Variants in PRKAR1B observed in about 807,000 individuals in gnomAD.
The protein encoded by PRKAR1B is cAMP-dependent protein kinase type I-beta regulatory subunit.
Under a neutral mutation model 46.5 loss-of-function variants are expected in PRKAR1B, and 22 were observed. The ratio of observed to expected loss-of-function variants is 0.47; its 90% CI spans 0.34 to 0.68. PRKAR1B has a LOEUF of 0.68. Among genes scored for constraint, PRKAR1B ranks in the 30% least tolerant of loss-of-function variants. The probability of loss-of-function intolerance (pLI) is 0.01; values close to 1 mark genes in which losing one functional copy is unlikely to be tolerated. For synonymous variants in PRKAR1B, 259 were observed against 217.7 expected (o/e 1.19, Z -1.67); for missense variants, 445 against 535.6 (o/e 0.83, Z 1.67).
chr7:597,390 G>A (rs1047898076), intron 6 of PRKAR1B, among the ~76,000 whole-genome samples: 1 of 152,228 alleles, frequency 6.6e-6, no homozygotes, highest in African/African-American at 2.4e-5. Flanking sequence ...AGGCACAGGG[G>A]CGACTGCTGT....
chr7:595,938 G>A (rs573680966), intron 7 of PRKAR1B, among the ~76,000 whole-genome samples: 2 of 152,192 alleles, frequency 1.3e-5, no homozygotes, highest in African/African-American at 4.8e-5. Context: ...AAAGGAGGAC[G>A]GTGAAGGGGC....
intron 2 of PRKAR1B, among the ~76,000 whole-genome samples, chr7:699,464 A>C (rs1023822453): frequency 7.2e-5 from 11 of 152,126 alleles, no homozygotes; most frequent in African/African-American, 1.2e-4. Flanking sequence ...AGGAGTGGGC[A>C]GTTACCCCCT....
At chr7:586,886 CTT>C (rs67760235) in intron 7 of PRKAR1B, among the ~76,000 whole-genome samples, 10 of 129,288 alleles carry the variant, frequency 7.7e-5, no homozygotes, top group Non-Finnish European at 9.6e-5. Flanking sequence ...ATCCCACCTT[CTT>C]TTTTTTTTTT....
In PRKAR1B at chr7:696,235, T is replaced by C. The variant is rs185175174; in HGVS notation, c.177+15094A>G. On this transcript the variant is annotated intron_variant, in intron 2 of 10. Transcript: ENST00000537384. ...GTCTTGACCTCCCAAAGTGCTGGGATGACAGGCATGAGCCACAGCACCCGG... is the reference window on the plus strand; with the variant it reads ...GTCTTGACCTCCCAAAGTGCTGGGACGACAGGCATGAGCCACAGCACCCGG... 2.7e-3 allele frequency among the ~76,000 whole-genome samples: 414 copies of C among 152,074 alleles called. 1 individual carries two copies. The highest frequency in any genetic ancestry group is 9.7e-3 in the African/African-American group (402 of 41,442).
intron 4 of PRKAR1B, among the ~76,000 whole-genome samples, chr7:633,987 G>A (rs1783901777): frequency 6.6e-6 from 1 of 152,228 alleles, no homozygotes; most frequent in Admixed American, 6.5e-5. Context: ...AGGAGTTTGG[G>A]CAACATAATG....
chr7:600,074 G>A (rs139584362), intron 6 of PRKAR1B, among the ~76,000 whole-genome samples: 110 of 152,340 alleles, frequency 7.2e-4, no homozygotes, highest in African/African-American at 2.5e-3. Context: ...GTGTAATGTG[G>A]ACAGAGCTTC....
At chr7:670,601 TC>T (rs1786188626) in intron 4 of PRKAR1B, among the ~76,000 whole-genome samples, 1 of 148,852 alleles carries the variant, frequency 6.7e-6, no homozygotes, top group African/African-American at 2.5e-5. Context: ...TGCCACAGCA[TC>T]CAGCAGAGGG....
Position 680,397 on chromosome 7 carries a change from G to C in PRKAR1B, c.348+159C>G, listed in dbSNP as rs528145652. 1.1e-3 allele frequency among the ~76,000 whole-genome samples: 167 copies of C among 152,240 alleles called. 2 individuals are homozygous for C. Among genetic ancestry groups the C allele is most frequent in the African/African-American group, 3.9e-3 (163 of 41,522 alleles). On this transcript the variant is annotated intron_variant, in intron 3 of 10. Coordinates refer to ENST00000537384, the MANE Select transcript of PRKAR1B (RefSeq NM_001164760.2). ...GACAGTAGCAAACCAAGCCCACCCAGAACTGCCTCTGCCATCACCCACATA... is the reference window on the plus strand; with the variant it reads ...GACAGTAGCAAACCAAGCCCACCCACAACTGCCTCTGCCATCACCCACATA...
chr7:656,463 GA>G (rs1375100616), intron 4 of PRKAR1B, among the ~76,000 whole-genome samples: 1 of 152,230 alleles, frequency 6.6e-6, no homozygotes, highest in African/African-American at 2.4e-5. Context: ...GTGGATAAAT[GA>G]GTGAATGGAT....
At chr7:556,356 A>C in intron 9 of PRKAR1B, among the ~76,000 whole-genome samples, 1 of 138,974 alleles carries the variant, frequency 7.2e-6, no homozygotes. Context: ...CCCCAAACAC[A>C]GCTTCACTGA....
intron 8 of PRKAR1B, among the ~76,000 whole-genome samples, chr7:583,407 TGC>T (rs1780329056): frequency 1.6e-5 from 1 of 60,984 alleles, no homozygotes; most frequent in African/African-American, 7.9e-5. Flanking sequence ...CCCACACGTG[TGC>T]ACACCCACGC....
In PRKAR1B at chr7:644,390, G is replaced by T. The variant is rs1422366885; in HGVS notation, c.440+32839C>A. Among the ~76,000 whole-genome samples the T allele has an allele frequency of 2.0e-5, 3 of 152,296 alleles. No individual in the cohort carries two copies. The highest frequency in any genetic ancestry group is 2.1e-4 in the South Asian group (1 of 4,828). On this transcript the variant is annotated intron_variant, in intron 4 of 10. Coordinates refer to ENST00000537384, the MANE Select transcript of PRKAR1B (RefSeq NM_001164760.2). This position sits in a 1 kb window ranked among gnomAD's most constrained non-coding sequence, Gnocchi z 4.9. ...CTGAGGCGCGCACATTCGGAACGGG[G>T]TTTTGCTCCTCCTTGGGTGTGCAGA...
chr7:623,649 C>CA (rs1177613458), intron 4 of PRKAR1B, among the ~76,000 whole-genome samples: 1 of 152,218 alleles, frequency 6.6e-6, no homozygotes, highest in Non-Finnish European at 1.5e-5. Context: ...CATCCACTGC[C>CA]ACTTAGGTGG....
chr7:666,272 CG>C lies in PRKAR1B; in HGVS notation c.440+10956del, dbSNP rs1263134782. 4.7e-5 allele frequency among the ~76,000 whole-genome samples: 6 copies of C among 128,464 alleles called. No homozygotes were observed. The highest frequency in any genetic ancestry group is 2.2e-4 in the South Asian group (1 of 4,576). The allele number at this position is 128,464 out of a possible 152,430, so 84.3% of individuals were successfully genotyped here. ...ATGGTCCTGGCACATCAGAGAGCTC[CG>C]GAACATGCGGGGCTGCTTCCCTGGG... On this transcript the variant is annotated intron_variant, in intron 4 of 10. Transcript: ENST00000537384. This position sits in a 1 kb window ranked among gnomAD's most constrained non-coding sequence, Gnocchi z 4.9.
intron 4 of PRKAR1B, among the ~76,000 whole-genome samples, chr7:634,104 C>A (rs936604429): frequency 6.6e-6 from 1 of 152,098 alleles, no homozygotes; most frequent in African/African-American, 2.4e-5. Flanking sequence ...CTCACTGCAA[C>A]CTCTGCCTCC....
chr7:594,912 A>C (rs1781185877), intron 7 of PRKAR1B, among the ~76,000 whole-genome samples: 1 of 152,144 alleles, frequency 6.6e-6, no homozygotes, highest in Admixed American at 6.5e-5. Flanking sequence ...CAGACCACCA[A>C]GGGACCCCAG....
At chr7:687,208 C>A (rs1583419622) in intron 2 of PRKAR1B, among the ~76,000 whole-genome samples, 1 of 152,290 alleles carries the variant, frequency 6.6e-6, no homozygotes, top group East Asian at 1.9e-4. Flanking sequence ...TACAAAGAGA[C>A]AAGATCATGT....
chr7:557,867 TCTCA>T (rs376111052), intron 9 of PRKAR1B, among the ~76,000 whole-genome samples: 224 of 152,234 alleles, frequency 1.5e-3, no homozygotes, highest in African/African-American at 5.0e-3. Flanking sequence ...CCCCAAATTT[TCTCA>T]CTATTGATTC....
intron 4 of PRKAR1B, among the ~76,000 whole-genome samples, chr7:626,496 C>T (rs1016540174): frequency 6.6e-6 from 1 of 151,960 alleles, no homozygotes; most frequent in Non-Finnish European, 1.5e-5. Context: ...CCTTGTCTCT[C>T]AGAAACAAAA....
Sources: gnomAD v4.1 joint callset for allele counts (sites outside exome capture counted in the v4.1 genomes callset) on GRCh38, gnomAD v4.1.1 for gene constraint, Gnocchi (gnomAD v3.1) non-coding constraint, MANE v1.5 for transcripts, NCBI Gene and HGNC (gene_info 2026-07-23, HGNC 2026-07-21) for gene names.